ABHD12: variants seen among roughly 807,000 people sequenced by gnomAD.
ABHD12 encodes the protein lysophosphatidylserine lipase ABHD12.
In ABHD12, 43 loss-of-function variants were observed where a neutral mutation model predicts 58.3. That is an observed-to-expected ratio of 0.74 (90% CI 0.58 to 0.95). The LOEUF is 0.95. Ranked by LOEUF, ABHD12 falls within the 40% of genes least tolerant of loss-of-function variation. ABHD12 has a pLI of 0.00. For synonymous variants in ABHD12, 219 were observed against 211.2 expected, an observed-to-expected ratio of 1.04 and a Z score of -0.32; for missense variants, 539 against 537.2, an observed-to-expected ratio of 1.00 and a Z score of -0.03.
intron 10 of ABHD12, among the ~76,000 whole-genome samples, chr20:25,304,380 G>C (rs2088696829): frequency 6.6e-6 from 1 of 152,194 alleles, no homozygotes; most frequent in Admixed American, 6.5e-5. Context: ...CAGTACTTGG[G>C]ATTTCCCAGA....
chr20:25,313,979 C>T (rs1334670593), intron 6 of ABHD12, among the ~76,000 whole-genome samples: 2 of 147,664 alleles, frequency 1.4e-5, no homozygotes, highest in African/African-American at 2.5e-5. Flanking sequence ...CTTAACAGTT[C>T]TTTTTTTTTT....
intron 6 of ABHD12, among the ~76,000 whole-genome samples, chr20:25,312,822 C>G (rs1398586230): frequency 6.6e-6 from 1 of 152,090 alleles, no homozygotes; most frequent in African/African-American, 2.4e-5. Context: ...GCGCCTCTGC[C>G]CGGCCGCGAC....
Position 25,352,411 on chromosome 20 carries a change from C to G in ABHD12, c.192-13060G>C, listed in dbSNP as rs986856362. Reference sequence around the variant, plus strand: ...TCAAGCGATTCTCCTGCCTCAGCCTCCCAAGTAGCTGGGACTACAGGCACG... The same window carrying G: ...TCAAGCGATTCTCCTGCCTCAGCCTGCCAAGTAGCTGGGACTACAGGCACG... On this transcript the variant is annotated intron_variant, in intron 1 of 12. Transcript: ENST00000339157. Among the ~76,000 whole-genome samples the G allele has an allele frequency of 5.3e-5, 8 of 152,284 alleles. No homozygotes were observed. In the East Asian group the frequency reaches 1.5e-3, roughly 29 times the overall value.
downstream of ABHD12, chr20:25,295,669 G>A (rs200414727): frequency 8.1e-6 from 13 of 1,612,832 alleles, no homozygotes; most frequent in African/African-American, 8.0e-5. Context: ...CAGCTGTACC[G>A]GGTGAGGCTC....
At chr20:25,360,146 T>C (rs1356461495) in intron 1 of ABHD12, among the ~76,000 whole-genome samples, 1 of 151,512 alleles carries the variant, frequency 6.6e-6, no homozygotes, top group East Asian at 1.9e-4. Context: ...TAGTGGGACG[T>C]AGGATTCTAA....
chr20:25,381,626 CTTT>C (rs776504228), intron 1 of ABHD12, among the ~76,000 whole-genome samples: 8 of 142,052 alleles, frequency 5.6e-5, no homozygotes, highest in Non-Finnish European at 1.1e-4. Flanking sequence ...TCAGTACCCT[CTTT>C]TTTTTTTTTT....
At chr20:25,298,335 G>A (rs2088583429), downstream of ABHD12, among the ~76,000 whole-genome samples, 1 of 152,050 alleles carries the variant, frequency 6.6e-6, no homozygotes, top group Admixed American at 6.5e-5. Context: ...GCACGGTCTT[G>A]GCTCGCTGCA....
chr20:25,327,857 C>T (rs186451119), intron 2 of ABHD12, among the ~76,000 whole-genome samples: 4 of 152,204 alleles, frequency 2.6e-5, no homozygotes, highest in Non-Finnish European at 5.9e-5. Flanking sequence ...TTTGCAGACC[C>T]TCAACTTGAT....
At chr20:25,359,425 A>G (rs2089714169) in intron 1 of ABHD12, among the ~76,000 whole-genome samples, 1 of 70,084 alleles carries the variant, frequency 1.4e-5, no homozygotes, top group Non-Finnish European at 2.6e-5. Context: ...CTCCGTCTCA[A>G]AAAAAAAAAA....
intron 1 of ABHD12, among the ~76,000 whole-genome samples, chr20:25,376,387 T>C (rs2089963146): frequency 1.3e-5 from 2 of 152,154 alleles, no homozygotes; most frequent in African/African-American, 2.4e-5. Context: ...CTCTACTGAA[T>C]TGAAAACTTT....
rs2090165288 is a variant in ABHD12, at chr20:25,390,722, A to T, written c.-19T>A. On this transcript the variant is annotated 5_prime_UTR_variant, in exon 1 of 13. Coordinates refer to ENST00000339157, the MANE Select transcript of ABHD12 (RefSeq NM_001042472.3). ...TCCTCATCCCGCGGCCGACAGGGCC[A>T]GCCGCCGACGGCGCCCGCTGGCCTG... The T allele has an allele frequency of 7.6e-7, 1 of 1,319,336 alleles. No individual in the cohort carries two copies. The highest frequency in any genetic ancestry group is 9.6e-7 in the Non-Finnish European group (1 of 1,037,484). 81.7% of individuals were successfully genotyped at this position (1,319,336 alleles called of 1,614,324 possible). A position where few individuals can be genotyped will look rare whatever the true frequency, so the allele number is the denominator to read the frequency against.
intron 2 of ABHD12, among the ~76,000 whole-genome samples, chr20:25,336,520 T>C (rs2089371331): frequency 2.0e-5 from 3 of 152,198 alleles, no homozygotes; most frequent in Admixed American, 2.0e-4. Context: ...TTTCCTGTAA[T>C]GTTGAATGGA....
At chr20:25,312,413 G>A (rs1211001810) in intron 6 of ABHD12, among the ~76,000 whole-genome samples, 10 of 152,294 alleles carry the variant, frequency 6.6e-5, no homozygotes, top group African/African-American at 2.2e-4. Context: ...GCTCCTAACC[G>A]CGAGTGATCT....
Position 25,309,537 on chromosome 20 carries a change from T to A in ABHD12, c.658A>T (p.Met220Leu), listed in dbSNP as rs2088809999. The A allele has an allele frequency of 6.2e-7, 1 of 1,614,206 alleles. No homozygotes were observed. Among genetic ancestry groups the A allele is most frequent in the Non-Finnish European group, 8.5e-7 (1 of 1,180,016 alleles). Residue 220 changes from methionine (M) to leucine (L), a missense_variant, in exon 7 of 13, where the codon ATG (methionine) becomes TTG (leucine). Transcript: ENST00000339157. ...DSVGTPSERG[M>L]TYDALHVFDW... is the part of the protein sequence containing the mutation. Reference sequence around the variant, plus strand: ...AAAACGTGGAGTGCGTCATAGGTCATGCCCCGCTCAGATGGCGTTCCCACT... The same window carrying A: ...AAAACGTGGAGTGCGTCATAGGTCAAGCCCCGCTCAGATGGCGTTCCCACT...
In ABHD12 at chr20:25,380,602, T is replaced by A. The variant is rs1036767853; in HGVS notation, c.191+9911A>T. 2.0e-5 allele frequency among the ~76,000 whole-genome samples: 3 copies of A among 152,068 alleles called. 1 individual carries two copies. Among genetic ancestry groups the A allele is most frequent in the Non-Finnish European group, 4.4e-5 (3 of 68,026 alleles). On this transcript the variant is annotated intron_variant, in intron 1 of 12. Coordinates refer to ENST00000339157, the MANE Select transcript of ABHD12 (RefSeq NM_001042472.3). Reference sequence around the variant, plus strand: ...TGCTCCCACCACTGCAGTAAGCCACTCCTGTCAATACTGATCTCGTGTCAC... The same window carrying A: ...TGCTCCCACCACTGCAGTAAGCCACACCTGTCAATACTGATCTCGTGTCAC...
intron 1 of ABHD12, among the ~76,000 whole-genome samples, chr20:25,371,244 A>G (rs921537630): frequency 3.5e-4 from 54 of 152,260 alleles, no homozygotes; most frequent in African/African-American, 1.3e-3. Flanking sequence ...CCCATGGGCA[A>G]TGCCTACATT....
In ABHD12 at chr20:25,323,440, A is replaced by T. The variant is rs768757901; in HGVS notation, c.317-10T>A. 13 of 1,541,936 alleles carry T rather than the reference A, an allele frequency of 8.4e-6. No individual in the cohort carries two copies. The Middle Eastern group carries it at 5.1e-4, about 60-fold the overall frequency. ...AAATAGGGAACTCTTACTGTAGGAA[A>T]TAAAGAGATGGAAATTAGGATTACT... On this transcript the variant is annotated splice_polypyrimidine_tract_variant and intron_variant, in intron 2 of 12. Transcript: ENST00000339157.
intron 1 of ABHD12, among the ~76,000 whole-genome samples, chr20:25,353,256 T>A (rs1172788243): frequency 8.4e-6 from 1 of 118,818 alleles, no homozygotes; most frequent in East Asian, 1.9e-4. Context: ...TTTTTTTTGT[T>A]TGTTTCTGTT....
At chr20:25,349,024 C>CA (rs1169649525) in intron 1 of ABHD12, among the ~76,000 whole-genome samples, 1 of 148,404 alleles carries the variant, frequency 6.7e-6, no homozygotes, top group Admixed American at 6.8e-5. Context: ...GCGGAGCTTG[C>CA]AGTGAGCCGA....
Sources: gnomAD v4.1 joint callset for allele counts (sites outside exome capture counted in the v4.1 genomes callset) on GRCh38, gnomAD v4.1.1 for gene constraint, MANE v1.5 for transcripts, NCBI Gene and HGNC (gene_info 2026-07-23, HGNC 2026-07-21) for gene names.